The following ZNF845 variants were observed in gnomAD, a reference collection of about 807,000 sequenced individuals.
The protein encoded by ZNF845 is zinc finger protein 845.
Under a neutral mutation model 76.1 loss-of-function variants are expected in ZNF845, and 59 were observed. The ratio of observed to expected loss-of-function variants is 0.78; its 90% CI spans 0.63 to 0.96. ZNF845 has a LOEUF of 0.96. ZNF845 is among the 40% of genes least tolerant of loss of function. The pLI, the probability that ZNF845 is intolerant of heterozygous loss-of-function variation, is 0.00. For synonymous variants in ZNF845, 361 were observed against 386.9 expected (o/e 0.93, Z 0.78); for missense variants, 1,045 against 1,172.8 (o/e 0.89, Z 1.59).
At chr19:53,339,510 C>T (rs996630631) in intron 1 of ZNF845, among the ~76,000 whole-genome samples, 14 of 152,200 alleles carry the variant, frequency 9.2e-5, no homozygotes, top group African/African-American at 3.4e-4. Flanking sequence ...TTCTGACACT[C>T]ATTGCCTGCA....
In ZNF845 at chr19:53,351,048, C is replaced by T. The variant is rs373506566; in HGVS notation, c.373C>T (p.Arg125Ter). ...EIKQLTGSTN[R>*]HDQRHAGNKP... ...CAAACAGTTGACGGGTAGTACAAAC[C>T]GACATGATCAAAGGCATGCTGGAAA... The change falls in exon 4 of 4, where the codon CGA (arginine) becomes TGA (stop). Residue 125 changes from arginine (R) to a stop codon, truncating the protein, a stop_gained. Transcript: ENST00000458035. LOFTEE classifies it high-confidence loss of function. 9.9e-5 allele frequency: 159 copies of T among 1,614,126 alleles called. No individual in the cohort carries two copies. Among genetic ancestry groups the T allele is most frequent in the Non-Finnish European group, 1.2e-4 (138 of 1,180,010 alleles).
chr19:53,340,827 T>C (rs1049247835), intron 1 of ZNF845: 20 of 360,344 alleles, frequency 5.6e-5, no homozygotes, highest in African/African-American at 4.2e-4. Context: ...GCTCCAGCCA[T>C]GCAGGCGTCT....
In ZNF845 at chr19:53,350,988, G is replaced by A; in HGVS notation, c.313G>A (p.Glu105Lys). Residue 105 changes from glutamate (E) to lysine (K), a missense_variant, in exon 4 of 4, where the codon GAA becomes AAA. Coordinates refer to ENST00000458035, the MANE Select transcript of ZNF845 (RefSeq NM_138374.3). ...HDFEFQWKED[E>K]RNSHEAPMTE... is the part of the protein sequence containing the mutation. ...TTTTGAGTTTCAGTGGAAAGAAGAT[G>A]AAAGAAATAGCCATGAAGCACCCAT... The A allele has an allele frequency of 6.2e-7, 1 of 1,614,130 alleles. No homozygotes were observed.
chr19:53,345,596 G>A lies in ZNF845; in HGVS notation c.106G>A (p.Val36Met), dbSNP rs762870014. ...DPAQRTLYRD[V>M]MLENYRNLVS... ...TGCTCAGAGGACTCTATACAGGGAC[G>A]TGATGCTGGAGAATTATAGGAACCT... The change falls in exon 3 of 4, where the codon GTG becomes ATG. Residue 36 changes from valine (V) to methionine (M), a missense_variant. By Grantham distance (21) the Val-to-Met change is conservative. Transcript: ENST00000458035. The A allele has an allele frequency of 1.2e-5, 19 of 1,613,796 alleles. No individual in the cohort carries two copies. In the East Asian group the frequency reaches 2.2e-4, roughly 19 times the overall value.
chr19:53,352,381 A>G lies in ZNF845; in HGVS notation c.1706A>G (p.His569Arg), dbSNP rs761661093. The change falls in exon 4 of 4, where the codon CAT becomes CGT. Residue 569 changes from histidine to arginine, a missense_variant. Transcript: ENST00000458035. Reference protein sequence around the residue: ...AFRGQSALIYHQAIHGIGKLY... With the variant: ...AFRGQSALIYRQAIHGIGKLY... ...CGTGGGCAGTCAGCACTTATTTACCATCAAGCAATCCATGGTATAGGGAAA... is the reference window on the plus strand; with the variant it reads ...CGTGGGCAGTCAGCACTTATTTACCGTCAAGCAATCCATGGTATAGGGAAA... 5 of 1,613,888 alleles carry G rather than the reference A, an allele frequency of 3.1e-6. No homozygotes were observed. The South Asian group carries it at 4.4e-5, about 14-fold the overall frequency.
chr19:53,335,665 A>G (rs113295118), intron 1 of ZNF845, among the ~76,000 whole-genome samples: 2,945 of 152,016 alleles, frequency 0.019, 88 homozygotes, highest in African/African-American at 0.067. Flanking sequence ...GCAATGGCAC[A>G]ATCTCGGCTC....
chr19:53,349,306 T>C (rs1332886130), intron 3 of ZNF845, among the ~76,000 whole-genome samples: 3 of 151,960 alleles, frequency 2.0e-5, no homozygotes, highest in Admixed American at 6.6e-5. Context: ...GTTTTTGTTT[T>C]TGTTTTGAGA....
chr19:53,338,529 A>G (rs1170488386), intron 1 of ZNF845, among the ~76,000 whole-genome samples: 1 of 150,940 alleles, frequency 6.6e-6, no homozygotes, highest in Non-Finnish European at 1.5e-5. Flanking sequence ...CTACACAACT[A>G]GTTCTGTTCC....
intron 1 of ZNF845, among the ~76,000 whole-genome samples, chr19:53,336,633 C>CTTTTTTTTTTTTT (rs398035035): frequency 4.2e-3 from 385 of 92,216 alleles, no homozygotes; most frequent in African/African-American, 5.1e-3. Flanking sequence ...TTCTTTCTTT[C>CTTTTTTTTTTTTT]TTTTTTTTTT....
chr19:53,344,848 A>T (rs965992028), intron 2 of ZNF845, among the ~76,000 whole-genome samples: 2 of 151,934 alleles, frequency 1.3e-5, no homozygotes, highest in Non-Finnish European at 2.9e-5. Context: ...CATGTTGGTC[A>T]GGCAAGTCTT....
chr19:53,339,793 T>C (rs2085243456), intron 1 of ZNF845, among the ~76,000 whole-genome samples: 1 of 152,228 alleles, frequency 6.6e-6, no homozygotes, highest in East Asian at 1.9e-4. Context: ...CTATAGTATA[T>C]GCCAGGGGAC....
intron 1 of ZNF845, among the ~76,000 whole-genome samples, chr19:53,335,670 C>G (rs2085208485): frequency 1.3e-5 from 2 of 151,938 alleles, no homozygotes; most frequent in South Asian, 4.2e-4. Context: ...GGCACAATCT[C>G]GGCTCGCTGC....
In ZNF845 at chr19:53,351,484, C is replaced by T; in HGVS notation, c.809C>T (p.Pro270Leu). ...CHRRCHTGKK[P>L]YKCNDCGKTF... is the part of the protein sequence containing the mutation. ...CGTAGATGTCACACTGGCAAGAAAC[C>T]TTACAAGTGTAATGATTGTGGCAAG... Residue 270 changes from proline (P) to leucine (L), a missense_variant, in exon 4 of 4, where the codon CCT becomes CTT. Coordinates refer to ENST00000458035, the MANE Select transcript of ZNF845 (RefSeq NM_138374.3). The T allele has an allele frequency of 6.2e-7, 1 of 1,614,188 alleles. No individual in the cohort carries two copies. The highest frequency in any genetic ancestry group is 2.2e-5 in the East Asian group (1 of 44,886).
At chr19:53,344,641 T>TATGTTATGTTATGTTATGTTATGTTA (rs2085281827) in intron 2 of ZNF845, among the ~76,000 whole-genome samples, 3 of 151,124 alleles carry the variant, frequency 2.0e-5, no homozygotes, top group Non-Finnish European at 4.4e-5. Context: ...TTATTTTATT[T>TATGTTATGTTATGTTATGTTATGTTA]TATTTTGGGA....
At chr19:53,346,347 G>A (rs1236148227) in intron 3 of ZNF845, 2 of 428,334 alleles carry the variant, frequency 4.7e-6, no homozygotes, top group Non-Finnish European at 9.3e-6. Context: ...CAGCAGTGCC[G>A]TATGTGATCT....
chr19:53,354,307 T>C lies in ZNF845; in HGVS notation c.*719T>C, dbSNP rs1055051453. 5.1e-6 allele frequency: 2 copies of C among 394,288 alleles called. No homozygotes were observed. The highest frequency in any genetic ancestry group is 4.3e-5 in the African/African-American group (2 of 46,648). The allele number at this position is 394,288 out of a possible 1,614,324, so 24.4% of individuals were successfully genotyped here. A position where few individuals can be genotyped will look rare whatever the true frequency, so the allele number is the denominator to read the frequency against. ...AGCATTAATTGGCATTAGAGTCAATTCAGCATTGACTTGAGTTTGAATTGA... is the reference window on the plus strand; with the variant it reads ...AGCATTAATTGGCATTAGAGTCAATCCAGCATTGACTTGAGTTTGAATTGA... On this transcript the variant is annotated 3_prime_UTR_variant, in exon 4 of 4. Transcript: ENST00000458035.
intron 3 of ZNF845, among the ~76,000 whole-genome samples, chr19:53,350,108 A>G (rs906587674): frequency 9.2e-5 from 14 of 152,214 alleles, no homozygotes; most frequent in African/African-American, 3.4e-4. Context: ...AAGTAATTTT[A>G]TAACAGTTAT....
chr19:53,353,095 A>C lies in ZNF845; in HGVS notation c.2420A>C (p.Glu807Ala), dbSNP rs1345624000. Reference protein sequence around the residue: ...HTGEKPYKCNECGKNFRHNSA... With the variant: ...HTGEKPYKCNACGKNFRHNSA... The stretch of plus-strand genomic sequence containing the variant: ...GGAGAGAAACCTTACAAGTGTAATG[A>C]ATGTGGCAAGAACTTCCGTCACAAT... The change falls in exon 4 of 4, where the codon GAA (glutamate) becomes GCA (alanine). Residue 807 changes from glutamate to alanine, a missense_variant. Transcript: ENST00000458035. 1 of 1,600,088 alleles carries C rather than the reference A, an allele frequency of 6.2e-7. No homozygotes were observed. The highest frequency in any genetic ancestry group is 8.6e-7 in the Non-Finnish European group (1 of 1,167,924).
chr19:53,343,944 C>A (rs1490101885), intron 2 of ZNF845, among the ~76,000 whole-genome samples: 2 of 151,924 alleles, frequency 1.3e-5, no homozygotes, highest in African/African-American at 4.8e-5. Flanking sequence ...CTCAGGCTCC[C>A]AAGTAGCTGG....
Sources: allele counts gnomAD v4.1 joint callset (sites outside exome capture counted in the v4.1 genomes callset), GRCh38; gene constraint gnomAD v4.1.1; transcripts MANE v1.5; gene names NCBI Gene and HGNC (gene_info 2026-07-23, HGNC 2026-07-21).